LRRC7: variants seen among roughly 807,000 people sequenced by gnomAD.
LRRC7 encodes the protein leucine rich repeat containing 7.
Under a neutral mutation model 175.7 loss-of-function variants are expected in LRRC7, and 23 were observed. The observed-to-expected ratio is 0.13, with a 90% CI of 0.09 to 0.19. LRRC7 has a LOEUF of 0.19. Among genes scored for constraint, LRRC7 ranks in the 10% least tolerant of loss-of-function variants. LRRC7 has a pLI of 1.00. For synonymous variants in LRRC7, 685 were observed against 680.9 expected, an observed-to-expected ratio of 1.01 and a Z score of -0.09; for missense variants, 1,354 against 1,904.7, an observed-to-expected ratio of 0.71 and a Z score of 5.38.
chr1:69,947,961 G>T (rs1307078121), intron 8 of LRRC7, among the ~76,000 whole-genome samples: 4 of 151,802 alleles, frequency 2.6e-5, no homozygotes, highest in African/African-American at 7.3e-5. Context: ...TCTTATTGTG[G>T]TATACTAACT....
At chr1:69,824,315 G>C (rs994433308) in intron 4 of LRRC7, among the ~76,000 whole-genome samples, 2 of 152,090 alleles carry the variant, frequency 1.3e-5, no homozygotes, top group Non-Finnish European at 2.9e-5. Context: ...AAAATGTTAA[G>C]AATAATTCAC....
At chr1:69,734,552 T>C (rs1667910663) in intron 2 of LRRC7, among the ~76,000 whole-genome samples, 1 of 152,074 alleles carries the variant, frequency 6.6e-6, no homozygotes, top group Non-Finnish European at 1.5e-5. Context: ...TCATTCTAAG[T>C]GCATTCTATA....
Position 70,039,694 on chromosome 1 carries a change from G to A in LRRC7, c.3870G>A (p.Thr1290=), listed in dbSNP as rs151161501. Residue 1290 remains threonine (T), a synonymous_variant, in exon 21 of 27, where the codon ACG becomes ACA. Coordinates refer to ENST00000651989, the MANE Select transcript of LRRC7 (RefSeq NM_001370785.2). ...DKPSDNSDLK[T]RPTPVKGEES... The stretch of plus-strand genomic sequence containing the variant: ...CATCAGATAACAGTGATTTAAAGAC[G>A]AGGCCTACTCCTGTGAAGGGAGAGG... 5.0e-5 allele frequency: 81 copies of A among 1,614,106 alleles called. No individual in the cohort carries two copies. Among genetic ancestry groups the A allele is most frequent in the African/African-American group, 4.1e-4 (31 of 75,032 alleles).
At chr1:69,876,546 A>C (rs2101597821) in intron 7 of LRRC7, among the ~76,000 whole-genome samples, 1 of 152,324 alleles carries the variant, frequency 6.6e-6, no homozygotes, top group South Asian at 2.1e-4. Context: ...AGAATGTGGA[A>C]ACTACGTCTT....
At chr1:69,888,190 G>A (rs950714686) in intron 7 of LRRC7, among the ~76,000 whole-genome samples, 5 of 151,760 alleles carry the variant, frequency 3.3e-5, no homozygotes, top group African/African-American at 1.2e-4. Context: ...AGCAAGCCTG[G>A]GCAATGGCGG....
chr1:70,001,009 C>G (rs564634918), intron 11 of LRRC7, among the ~76,000 whole-genome samples: 2 of 152,268 alleles, frequency 1.3e-5, no homozygotes, highest in African/African-American at 4.8e-5. Context: ...TTTCATGATA[C>G]TTTTCGCAAC....
chr1:70,144,202 T>C lies in LRRC7; in HGVS notation c.*22315T>C, dbSNP rs1362186648. The C allele has an allele frequency of 6.6e-6, 1 of 152,244 alleles. No homozygotes were observed. Among genetic ancestry groups the C allele is most frequent in the Non-Finnish European group, 1.5e-5 (1 of 68,034 alleles). The allele number at this position is 152,244 out of a possible 1,614,324, so 9.4% of individuals were successfully genotyped here. ...TAGAATGCATTTTGAAGATGCTTTC[T>C]GTACAGATACAAAATACAGGGACTA... On this transcript the variant is annotated 3_prime_UTR_variant, in exon 27 of 27. Transcript: ENST00000651989.
chr1:69,570,261 G>A (rs1014537114), intron 1 of LRRC7, among the ~76,000 whole-genome samples: 1 of 152,034 alleles, frequency 6.6e-6, no homozygotes, highest in Non-Finnish European at 1.5e-5. Context: ...GTTCCAGCCT[G>A]AGCCTATGAG....
chr1:69,929,065 A>T (rs1463184194), intron 7 of LRRC7, among the ~76,000 whole-genome samples: 1 of 152,114 alleles, frequency 6.6e-6, no homozygotes, highest in Admixed American at 6.5e-5. Flanking sequence ...CTTCATATCC[A>T]TTCAGACCTA....
At chr1:69,913,082 T>G (rs1646582296) in intron 7 of LRRC7, among the ~76,000 whole-genome samples, 1 of 152,220 alleles carries the variant, frequency 6.6e-6, no homozygotes, top group African/African-American at 2.4e-5. Flanking sequence ...AAATATTTCC[T>G]AAGGAAATCC....
intron 4 of LRRC7, among the ~76,000 whole-genome samples, chr1:69,793,053 A>G (rs1479284969): frequency 1.3e-5 from 2 of 152,102 alleles, no homozygotes; most frequent in Non-Finnish European, 2.9e-5. Context: ...TGTGCACCGT[A>G]TCTGCACAAG....
chr1:70,027,765 C>T (rs1658276135), intron 17 of LRRC7, among the ~76,000 whole-genome samples: 1 of 152,112 alleles, frequency 6.6e-6, no homozygotes, highest in South Asian at 2.1e-4. Context: ...TGCATTGCTA[C>T]TCAAAAGATA....
At chr1:69,589,132 G>A (rs1646526630) in intron 1 of LRRC7, among the ~76,000 whole-genome samples, 1 of 151,036 alleles carries the variant, frequency 6.6e-6, no homozygotes, top group African/African-American at 2.4e-5. Flanking sequence ...GTGTGTGTGT[G>A]TGTGTGTGTG....
intron 2 of LRRC7, among the ~76,000 whole-genome samples, chr1:69,710,137 G>C (rs1464791162): frequency 1.3e-5 from 2 of 151,888 alleles, no homozygotes; most frequent in African/African-American, 2.4e-5. Context: ...AATTAGCCAG[G>C]TGTGGTGATG....
intron 6 of LRRC7, among the ~76,000 whole-genome samples, chr1:69,837,047 G>A (rs911936407): frequency 3.6e-4 from 55 of 151,836 alleles, no homozygotes; most frequent in African/African-American, 1.3e-3. Flanking sequence ...ACATTTTAAT[G>A]TTCTATATGG....
chr1:69,792,626 T>C (rs1675258177), intron 4 of LRRC7, among the ~76,000 whole-genome samples: 1 of 152,126 alleles, frequency 6.6e-6, no homozygotes, highest in Admixed American at 6.5e-5. Flanking sequence ...CCTATGGTTA[T>C]GGTATATTTT....
At chr1:69,780,005 T>C (rs1046045086) in intron 3 of LRRC7, among the ~76,000 whole-genome samples, 1 of 152,208 alleles carries the variant, frequency 6.6e-6, no homozygotes, top group African/African-American at 2.4e-5. Flanking sequence ...TGATTTCTCC[T>C]CTTAGCTGTG....
chr1:69,629,668 G>A (rs578015688), intron 1 of LRRC7, among the ~76,000 whole-genome samples: 5 of 152,056 alleles, frequency 3.3e-5, no homozygotes, highest in Non-Finnish European at 7.4e-5. Context: ...TTTATCCAAT[G>A]TATCTTCAAT....
intron 18 of LRRC7, among the ~76,000 whole-genome samples, chr1:70,029,080 A>G (rs866270335): frequency 7.9e-5 from 12 of 152,204 alleles, no homozygotes; most frequent in African/African-American, 2.9e-4. Context: ...TCCAAAATCT[A>G]GAGTGGCAAA....
Sources: gnomAD v4.1 joint callset for allele counts (sites outside exome capture counted in the v4.1 genomes callset) on GRCh38, gnomAD v4.1.1 for gene constraint, MANE v1.5 for transcripts, NCBI Gene and HGNC (gene_info 2026-07-23, HGNC 2026-07-21) for gene names.